TUT4: variants seen among roughly 807,000 people sequenced by gnomAD.
The protein encoded by TUT4 is terminal uridylyltransferase 4.
In TUT4, 36 loss-of-function variants were observed where a neutral mutation model predicts 192.2. The ratio of observed to expected loss-of-function variants is 0.19; its 90% CI spans 0.14 to 0.25. TUT4 has a LOEUF of 0.25. Among genes scored for constraint, TUT4 ranks in the 10% least tolerant of loss-of-function variants. The pLI, the probability that TUT4 is intolerant of heterozygous loss-of-function variation, is 1.00. For synonymous variants in TUT4, 618 were observed against 666.0 expected (o/e 0.93, Z 1.11); for missense variants, 1,493 against 1,957.2 (o/e 0.76, Z 4.47).
intron 4 of TUT4, among the ~76,000 whole-genome samples, chr1:52,504,474 A>G (rs1674976318): frequency 6.6e-6 from 1 of 152,158 alleles, no homozygotes. Context: ...TACTAAAAAT[A>G]CAAAAATTAG....
intron 1 of TUT4, among the ~76,000 whole-genome samples, chr1:52,548,867 T>A (rs950750687): frequency 2.0e-5 from 3 of 152,214 alleles, no homozygotes; most frequent in African/African-American, 7.2e-5. Flanking sequence ...TTCCAGCCCA[T>A]GCTCTTCAAT....
chr1:52,530,723 C>T (rs902786491), intron 1 of TUT4, among the ~76,000 whole-genome samples: 2 of 152,090 alleles, frequency 1.3e-5, no homozygotes, highest in Admixed American at 1.3e-4. Flanking sequence ...TAAGGCTCAG[C>T]TGGGAACAGT....
intron 28 of TUT4, among the ~76,000 whole-genome samples, chr1:52,428,262 C>A (rs529914841): frequency 2.3e-4 from 35 of 152,174 alleles, no homozygotes; most frequent in African/African-American, 7.9e-4. Flanking sequence ...CCAAGGCAGG[C>A]GGATCATGAG....
chr1:52,476,937 T>C (rs934166670), intron 12 of TUT4, among the ~76,000 whole-genome samples: 2 of 152,224 alleles, frequency 1.3e-5, no homozygotes, highest in Non-Finnish European at 2.9e-5. Flanking sequence ...AGCCACTCTA[T>C]TGTTTTCTGT....
intron 7 of TUT4, among the ~76,000 whole-genome samples, chr1:52,493,230 C>G (rs1316425520): frequency 6.6e-6 from 1 of 152,038 alleles, no homozygotes; most frequent in African/African-American, 2.4e-5. Flanking sequence ...ACTACAGGTA[C>G]GTGCCACCAC....
intron 2 of TUT4, among the ~76,000 whole-genome samples, chr1:52,518,802 T>C (rs1679392092): frequency 6.6e-6 from 1 of 152,148 alleles, no homozygotes; most frequent in Non-Finnish European, 1.5e-5. Flanking sequence ...TGCCAGAGGC[T>C]GGGGAAAGTG....
chr1:52,530,355 G>A (rs377145361), intron 1 of TUT4, among the ~76,000 whole-genome samples: 4 of 151,910 alleles, frequency 2.6e-5, no homozygotes, highest in East Asian at 1.9e-4. Context: ...ACTTTTTAAG[G>A]GTACACAGTA....
chr1:52,500,505 G>A (rs1173127465), intron 4 of TUT4, among the ~76,000 whole-genome samples: 1 of 152,136 alleles, frequency 6.6e-6, no homozygotes, highest in African/African-American at 2.4e-5. Context: ...GCTCACGCCT[G>A]TAATCCCAGC....
chr1:52,424,081 TA>T, intron 29 of TUT4, 79 bp from the exon 30 acceptor site: 1 of 1,411,910 alleles, frequency 7.1e-7, no homozygotes, highest in East Asian at 2.5e-5. Context: ...AACTTGTAGT[TA>T]GCTTTCTTTT....
chr1:52,448,202 A>C (rs1570386710), intron 20 of TUT4, among the ~76,000 whole-genome samples: 1 of 152,220 alleles, frequency 6.6e-6, no homozygotes, highest in African/African-American at 2.4e-5. Flanking sequence ...ACTAGGGCTA[A>C]TAAGTTGCTT....
At chr1:52,540,687 T>C (rs1376839730) in intron 1 of TUT4, among the ~76,000 whole-genome samples, 3 of 152,146 alleles carry the variant, frequency 2.0e-5, no homozygotes, top group African/African-American at 7.2e-5. Context: ...ATAACACAAA[T>C]GGGACTGGTA....
chr1:52,553,192 T>G (rs561151643), upstream of TUT4: 4,071 of 143,842 alleles, frequency 0.028, 67 homozygotes, highest in South Asian at 0.068. Context: ...GGGAGAGCGG[T>G]TGCCGGGGGA....
rs539759408 is a variant in TUT4 at position 52,516,148 on chromosome 1, A to G, written c.719-94T>C. 4.2e-5 allele frequency: 41 copies of G among 982,658 alleles called. No homozygotes were observed. The Middle Eastern group carries it at 1.3e-3, about 32-fold the overall frequency. The allele number at this position is 982,658 out of a possible 1,614,324, so 60.9% of individuals were successfully genotyped here. On this transcript the variant is annotated intron_variant, in intron 2 of 29. Transcript: ENST00000257177. The stretch of plus-strand genomic sequence containing the variant: ...AGACATTAAATTTATACACAGAAAA[A>G]ATATTATTTCCTTATATTTTCCTTA...
At chr1:52,487,426 G>A (rs937851819) in intron 9 of TUT4, among the ~76,000 whole-genome samples, 2 of 151,962 alleles carry the variant, frequency 1.3e-5, no homozygotes, top group Non-Finnish European at 2.9e-5. Context: ...AGCACTAGGT[G>A]ACAGAGACCT....
chr1:52,446,040 T>G lies in TUT4; in HGVS notation c.3692-36A>C, dbSNP rs142509964. Reference sequence around the variant, plus strand: ...AATATATCAATGATTAAGAATTACATTCACTGTACCATAAAAATATACTTA... The same window carrying G: ...AATATATCAATGATTAAGAATTACAGTCACTGTACCATAAAAATATACTTA... On this transcript the variant is annotated intron_variant, in intron 22 of 29. Coordinates refer to ENST00000257177, the MANE Select transcript of TUT4 (RefSeq NM_001009881.3). The G allele has an allele frequency of 1.1e-3, 1,704 of 1,564,580 alleles. 22 individuals carry two copies. In the African/African-American group the frequency reaches 0.02, roughly 18 times the overall value.
intron 1 of TUT4, among the ~76,000 whole-genome samples, chr1:52,540,867 T>C (rs1456864907): frequency 6.6e-6 from 1 of 152,202 alleles, no homozygotes; most frequent in Non-Finnish European, 1.5e-5. Flanking sequence ...TATCTATTGA[T>C]ACATGCATCG....
Position 52,475,103 on chromosome 1 carries a change from A to G in TUT4, c.2456T>C (p.Leu819Ser). Residue 819 changes from leucine (L) to serine (S), a missense_variant, in exon 13 of 30, where the codon TTA becomes TCA. Physicochemically the swap from Leu to Ser is moderately radical, Grantham distance 145. Coordinates refer to ENST00000257177, the MANE Select transcript of TUT4 (RefSeq NM_001009881.3). ...TTTTAAACAAGTTTCTGAAGGCGCT[A>G]AATCATCTTGTTTCTTATCTAATTT... ...EPKLDKKQDD[L>S]APSETCLKKE... is the part of the protein sequence containing the mutation. 6.2e-7 allele frequency: 1 copy of G among 1,614,136 alleles called. No homozygotes were observed. The highest frequency in any genetic ancestry group is 8.5e-7 in the Non-Finnish European group (1 of 1,180,018).
At position 52,423,569 on chromosome 1, in the gene TUT4, A is replaced by G. The variant is rs1221288815; in HGVS notation, c.*366T>C. 1 of 298,222 alleles carries G rather than the reference A, an allele frequency of 3.4e-6. No homozygotes were observed. Among genetic ancestry groups the G allele is most frequent in the Non-Finnish European group, 6.5e-6 (1 of 153,064 alleles). The allele number at this position is 298,222 out of a possible 1,614,324, so 18.5% of individuals were successfully genotyped here. Reference sequence around the variant, plus strand: ...AAAGTATGAATACAGCTAATAGAAAATAAAGAATGTAATTTTTTAAATTCT... The same window carrying G: ...AAAGTATGAATACAGCTAATAGAAAGTAAAGAATGTAATTTTTTAAATTCT... On this transcript the variant is annotated 3_prime_UTR_variant, in exon 30 of 30. Coordinates refer to ENST00000257177, the MANE Select transcript of TUT4 (RefSeq NM_001009881.3).
In TUT4 at chr1:52,474,941, G is replaced by T. The variant is rs760005573; in HGVS notation, c.2618C>A (p.Ser873Tyr). 6.2e-7 allele frequency: 1 copy of T among 1,614,166 alleles called. No individual in the cohort carries two copies. The highest frequency in any genetic ancestry group is 8.5e-7 in the Non-Finnish European group (1 of 1,180,018). ...ATCTTCTGTAGCTTTGCAGTTGCAA[G>T]AGGTAGCAGATGTGTCGGTGCACAC... Reference protein sequence around the residue: ...QSVCTDTSATSCNCKATEDAS... With the variant: ...QSVCTDTSATYCNCKATEDAS... Residue 873 changes from serine (S) to tyrosine (Y), a missense_variant, in exon 13 of 30, where the codon TCT (serine) becomes TAT (tyrosine). Transcript: ENST00000257177.
Sources: allele counts gnomAD v4.1 joint callset (sites outside exome capture counted in the v4.1 genomes callset), GRCh38; gene constraint gnomAD v4.1.1; transcripts MANE v1.5; gene names NCBI Gene and HGNC (gene_info 2026-07-23, HGNC 2026-07-21).